CDH4: variants seen among roughly 807,000 people sequenced by gnomAD.
CDH4 encodes the protein cadherin-4.
CDH4 carries 33 observed loss-of-function variants against 86.0 expected under a neutral mutation model. That is an observed-to-expected ratio of 0.38 (90% CI 0.29 to 0.51). CDH4 has a LOEUF of 0.51. Ranked by LOEUF, CDH4 falls within the 20% of genes least tolerant of loss-of-function variation. The pLI is 0.86. For missense variants in CDH4, 1,114 were observed against 1,307.4 expected (o/e 0.85, Z 2.28); for synonymous variants, 555 against 549.4 (o/e 1.01, Z -0.14).
intron 2 of CDH4, among the ~76,000 whole-genome samples, chr20:61,677,985 T>C (rs1444454241): frequency 1.3e-5 from 2 of 151,970 alleles, no homozygotes; most frequent in Non-Finnish European, 2.9e-5. Flanking sequence ...GATGGATAGA[T>C]GATACATAGA....
chr20:61,770,430 G>T (rs571620524), intron 3 of CDH4, among the ~76,000 whole-genome samples: 1 of 152,222 alleles, frequency 6.6e-6, no homozygotes, highest in African/African-American at 2.4e-5. Flanking sequence ...CTGCAATTCA[G>T]ATAAAATGAG....
chr20:61,607,597 G>A (rs877698), intron 2 of CDH4, among the ~76,000 whole-genome samples: 41,328 of 152,104 alleles, frequency 0.27, 5,973 homozygotes, highest in African/African-American at 0.36. Context: ...GAGTTTTTCC[G>A]ACACCTACGT....
At chr20:61,777,619 C>A (rs62204632) in intron 4 of CDH4, among the ~76,000 whole-genome samples, 36,515 of 113,810 alleles carry the variant, frequency 0.32, 5,923 homozygotes, top group East Asian at 0.58. Flanking sequence ...TGCGCACACA[C>A]GTGCATACAA....
chr20:61,820,171 C>T (rs1030176086), intron 4 of CDH4, among the ~76,000 whole-genome samples: 1 of 152,216 alleles, frequency 6.6e-6, no homozygotes, highest in African/African-American at 2.4e-5. Context: ...CACTTGGCAT[C>T]CCCAAGACCG....
intron 2 of CDH4, among the ~76,000 whole-genome samples, chr20:61,720,833 C>G (rs916494526): frequency 3.3e-5 from 5 of 152,092 alleles, no homozygotes; most frequent in Admixed American, 2.6e-4. Flanking sequence ...TCTCAAACAC[C>G]CTGCCAGGTA....
In CDH4 at chr20:61,657,917, A is replaced by G. The variant is rs1202857397; in HGVS notation, c.170-85646A>G. ...CCTGGGAAGGACACATGTGGAGTGA[A>G]TTAGAGGCTCGTCACCGGTGGGAGC... On this transcript the variant is annotated intron_variant, in intron 2 of 15. Coordinates refer to ENST00000614565, the MANE Select transcript of CDH4 (RefSeq NM_001794.5). 3.9e-5 allele frequency among the ~76,000 whole-genome samples: 6 copies of G among 152,188 alleles called. No individual in the cohort carries two copies. In the East Asian group the frequency reaches 1.2e-3, roughly 29 times the overall value.
chr20:61,402,353 T>G (rs1216605848), intron 2 of CDH4, among the ~76,000 whole-genome samples: 1 of 151,934 alleles, frequency 6.6e-6, no homozygotes, highest in Non-Finnish European at 1.5e-5. Flanking sequence ...TTATGAAATA[T>G]TGACAAGAAA....
chr20:61,310,221 G>A (rs2084438086), intron 2 of CDH4, among the ~76,000 whole-genome samples: 1 of 152,142 alleles, frequency 6.6e-6, no homozygotes, highest in South Asian at 2.1e-4. Flanking sequence ...GCTAGAGTGG[G>A]TGATGGGGGT....
intron 2 of CDH4, among the ~76,000 whole-genome samples, chr20:61,504,671 C>T (rs2085727866): frequency 6.6e-6 from 1 of 152,238 alleles, no homozygotes; most frequent in South Asian, 2.1e-4. Flanking sequence ...GCCCCACCTG[C>T]ATGTCAGGCA....
At chr20:61,645,017 C>T (rs919747631) in intron 2 of CDH4, among the ~76,000 whole-genome samples, 8 of 152,296 alleles carry the variant, frequency 5.3e-5, no homozygotes, top group African/African-American at 1.2e-4. Flanking sequence ...GGCGAGCTCC[C>T]GGGAGTCTCT....
chr20:61,845,097 G>A (rs1260956651), intron 5 of CDH4, among the ~76,000 whole-genome samples: 2 of 150,834 alleles, frequency 1.3e-5, no homozygotes, highest in Admixed American at 6.6e-5. Context: ...CCCACACTGG[G>A]AGAACTACTG....
Position 61,873,817 on chromosome 20 carries a change from C to A in CDH4, c.967C>A (p.Pro323Thr). The A allele has an allele frequency of 1.2e-6, 2 of 1,614,128 alleles. No individual in the cohort carries two copies. Among genetic ancestry groups the A allele is most frequent in the Non-Finnish European group, 1.7e-6 (2 of 1,180,032 alleles). ...GCGGTACCGGATCGTGACCCAGACCCCACAGAGCCCGTCCCAGAATATGTT... is the reference window on the plus strand; with the variant it reads ...GCGGTACCGGATCGTGACCCAGACCACACAGAGCCCGTCCCAGAATATGTT... ...MVRYRIVTQT[P>T]QSPSQNMFTI... The change falls in exon 7 of 16, where the codon CCA becomes ACA. Residue 323 changes from proline to threonine, a missense_variant. By Grantham distance (38) the Pro-to-Thr change is conservative. This residue lies in a region of CDH4 where 705 missense variants were observed against 914.1 expected (regional missense o/e 0.77). Coordinates refer to ENST00000614565, the MANE Select transcript of CDH4 (RefSeq NM_001794.5).
chr20:61,393,547 C>T lies in CDH4; in HGVS notation c.169+138610C>T, dbSNP rs2084998563. ...GAGTGGGGTCTTTATGGAGCAGGATCCTCACGTAGCCCACATTCGCCACAG... is the reference window on the plus strand; with the variant it reads ...GAGTGGGGTCTTTATGGAGCAGGATTCTCACGTAGCCCACATTCGCCACAG... On this transcript the variant is annotated intron_variant, in intron 2 of 15. Coordinates refer to ENST00000614565, the MANE Select transcript of CDH4 (RefSeq NM_001794.5). The surrounding 1 kb of genome is among the most constrained non-coding windows in gnomAD (Gnocchi z 4.3). 6.6e-6 allele frequency among the ~76,000 whole-genome samples: 1 copy of T among 152,162 alleles called. No homozygotes were observed. Among genetic ancestry groups the T allele is most frequent in the African/African-American group, 2.4e-5 (1 of 41,430 alleles).
intron 4 of CDH4, among the ~76,000 whole-genome samples, chr20:61,825,002 T>TA (rs1385378065): frequency 2.0e-5 from 3 of 152,264 alleles, no homozygotes; most frequent in Non-Finnish European, 4.4e-5. Context: ...TAACAACAGC[T>TA]ATAACTGGGT....
At chr20:61,414,207 G>A (rs144954844) in intron 2 of CDH4, among the ~76,000 whole-genome samples, 1 of 152,376 alleles carries the variant, frequency 6.6e-6, no homozygotes, top group African/African-American at 2.4e-5. Context: ...GGGGAATGCA[G>A]GTTAGCCGGC....
chr20:61,408,537 C>T (rs1218569692), intron 2 of CDH4, among the ~76,000 whole-genome samples: 1 of 152,116 alleles, frequency 6.6e-6, no homozygotes, highest in Non-Finnish European at 1.5e-5. Flanking sequence ...GTAAAGCTAC[C>T]CTCCTCCAGA....
Position 61,902,267 on chromosome 20 carries a change from G to A in CDH4, c.1188+7220G>A, listed in dbSNP as rs779703996. On this transcript the variant is annotated intron_variant, in intron 8 of 15. Coordinates refer to ENST00000614565, the MANE Select transcript of CDH4 (RefSeq NM_001794.5). This position sits in a 1 kb window ranked among gnomAD's most constrained non-coding sequence, Gnocchi z 4.6. ...ATGCAGAGGCAGAAAAGGTCAAGCC[G>A]GGGCCTCTGAAACCAGGACCCCCGG... Among the ~76,000 whole-genome samples the A allele has an allele frequency of 2.6e-5, 4 of 152,228 alleles. No homozygotes were observed. Among genetic ancestry groups the A allele is most frequent in the Non-Finnish European group, 5.9e-5 (4 of 68,032 alleles).
chr20:61,633,979 C>A (rs1287056703), intron 2 of CDH4, among the ~76,000 whole-genome samples: 1 of 152,198 alleles, frequency 6.6e-6, no homozygotes, highest in East Asian at 1.9e-4. Context: ...CACCACCAAT[C>A]CCAAATGAGT....
chr20:61,266,550 G>A (rs2084159264), intron 2 of CDH4, among the ~76,000 whole-genome samples: 1 of 151,880 alleles, frequency 6.6e-6, no homozygotes, highest in Non-Finnish European at 1.5e-5. Context: ...TAGGTATGAA[G>A]TCCCCGACTT....
Sources: gnomAD v4.1 joint callset for allele counts (sites outside exome capture counted in the v4.1 genomes callset) on GRCh38, gnomAD v4.1.1 for gene constraint, gnomAD v4.1.1 regional missense constraint, Gnocchi (gnomAD v3.1) non-coding constraint, MANE v1.5 for transcripts, NCBI Gene and HGNC (gene_info 2026-07-23, HGNC 2026-07-21) for gene names.